Variants in TBC1D22A observed in about 807,000 individuals in gnomAD.
TBC1D22A encodes the protein TBC1 domain family member 22A, also known as putative GTPase activator.
In TBC1D22A, 38 loss-of-function variants were observed where a neutral mutation model predicts 60.2. The observed-to-expected ratio is 0.63, with a 90% CI of 0.49 to 0.83. The LOEUF (loss-of-function observed/expected upper bound fraction) is 0.83, where lower values mean the gene tolerates loss of function less well. Among genes scored for constraint, TBC1D22A ranks in the 40% least tolerant of loss-of-function variants. TBC1D22A has a pLI of 0.00. For missense variants in TBC1D22A, 628 were observed against 701.0 expected (o/e 0.90, Z 1.18); for synonymous variants, 302 against 281.7 (o/e 1.07, Z -0.72).
chr22:47,004,192 ACTC>A (rs1032600887), intron 10 of TBC1D22A, among the ~76,000 whole-genome samples: 14 of 139,584 alleles, frequency 1.0e-4, no homozygotes, highest in East Asian at 2.2e-4. Context: ...CTATATATAT[ACTC>A]CTCATACATA....
intron 11 of TBC1D22A, among the ~76,000 whole-genome samples, chr22:47,086,127 G>A (rs1392088920): frequency 2.0e-5 from 3 of 152,218 alleles, no homozygotes; most frequent in South Asian, 2.1e-4. Context: ...TTCTGGGAGC[G>A]CTGTGGCTCC....
At chr22:47,085,429 A>G (rs548519262) in intron 11 of TBC1D22A, among the ~76,000 whole-genome samples, 1 of 152,338 alleles carries the variant, frequency 6.6e-6, no homozygotes, top group African/African-American at 2.4e-5. Context: ...TAAATATTTT[A>G]TCCATGCAGT....
chr22:46,799,829 T>C (rs1156459291), intron 4 of TBC1D22A, among the ~76,000 whole-genome samples: 1 of 152,232 alleles, frequency 6.6e-6, no homozygotes, highest in African/African-American at 2.4e-5. Flanking sequence ...TCCTTGGTCA[T>C]CACAGCGGGG....
intron 12 of TBC1D22A, among the ~76,000 whole-genome samples, chr22:47,114,878 T>A (rs2065975012): frequency 6.6e-6 from 1 of 152,036 alleles, no homozygotes; most frequent in African/African-American, 2.4e-5. Context: ...GCCCCTTAAT[T>A]CCCGAAAACT....
At chr22:46,953,470 A>G (rs2073025284) in intron 8 of TBC1D22A, among the ~76,000 whole-genome samples, 1 of 139,142 alleles carries the variant, frequency 7.2e-6, no homozygotes, top group East Asian at 2.0e-4. Flanking sequence ...ATTTACCTTC[A>G]TTTTTATAAT....
At chr22:46,936,849 A>G (rs960669779) in intron 8 of TBC1D22A, among the ~76,000 whole-genome samples, 2 of 152,232 alleles carry the variant, frequency 1.3e-5, no homozygotes, top group Non-Finnish European at 2.9e-5. Context: ...CTCAAAGTAA[A>G]AACAAAACTA....
At chr22:47,076,454 C>G (rs1207864120) in intron 11 of TBC1D22A, among the ~76,000 whole-genome samples, 3 of 144,792 alleles carry the variant, frequency 2.1e-5, no homozygotes, top group Non-Finnish European at 4.5e-5. Flanking sequence ...AAAATAGAAA[C>G]CAGTAATACA....
chr22:47,133,167 G>A (rs555715081), intron 12 of TBC1D22A, among the ~76,000 whole-genome samples: 2 of 152,348 alleles, frequency 1.3e-5, no homozygotes, highest in South Asian at 4.1e-4. Context: ...ATAAATTGTG[G>A]ATTAGAATTT....
At chr22:47,073,104 T>G (rs1374637601) in intron 11 of TBC1D22A, among the ~76,000 whole-genome samples, 1 of 152,230 alleles carries the variant, frequency 6.6e-6, no homozygotes, top group African/African-American at 2.4e-5. Context: ...ATAAAAATGA[T>G]GGATAACAAA....
chr22:46,971,104 G>A (rs954544595), intron 8 of TBC1D22A, among the ~76,000 whole-genome samples: 1 of 152,206 alleles, frequency 6.6e-6, no homozygotes, highest in Non-Finnish European at 1.5e-5. Context: ...AAATCACCAC[G>A]GGGGCTCTCT....
chr22:46,894,949 A>G, intron 7 of TBC1D22A, 103 bp downstream of exon 7: 1 of 1,342,262 alleles, frequency 7.5e-7, no homozygotes, highest in Non-Finnish European at 1.1e-6. Context: ...ACCCAGAAGC[A>G]AGGTTGCTGT....
chr22:47,154,513 G>T (rs543792417), intron 12 of TBC1D22A, among the ~76,000 whole-genome samples: 1 of 152,174 alleles, frequency 6.6e-6, no homozygotes, highest in Non-Finnish European at 1.5e-5. Context: ...GGCTGGCAAT[G>T]TGCAGACACT....
rs561085166 is a variant in TBC1D22A, at chr22:47,016,975, C to T, written c.1201+19266C>T. On this transcript the variant is annotated intron_variant, in intron 10 of 12. Transcript: ENST00000337137. ...TGTCCGCTGATGGTTTTGTCTGACGCGCTCAGGCCTGCGATGGTCGCCGAT... is the reference window on the plus strand; with the variant it reads ...TGTCCGCTGATGGTTTTGTCTGACGTGCTCAGGCCTGCGATGGTCGCCGAT... Among the ~76,000 whole-genome samples, 78 of 152,352 alleles carry T rather than the reference C, an allele frequency of 5.1e-4. 1 individual carries two copies. The highest frequency in any genetic ancestry group is 1.9e-4 in the East Asian group (1 of 5,176).
At chr22:46,770,679 G>GTCCTATA (rs1459459441) in intron 1 of TBC1D22A, among the ~76,000 whole-genome samples, 1 of 152,236 alleles carries the variant, frequency 6.6e-6, no homozygotes, top group East Asian at 1.9e-4. Context: ...TATGTCCTAT[G>GTCCTATA]TCCTGCTCAG....
intron 11 of TBC1D22A, among the ~76,000 whole-genome samples, chr22:47,094,009 AAGTAAT>A (rs2065079409): frequency 6.6e-6 from 1 of 152,202 alleles, no homozygotes; most frequent in Admixed American, 6.5e-5. Flanking sequence ...CAGGGACGAA[AAGTAAT>A]GATGTATGGG....
At chr22:46,948,718 T>C (rs1387973846) in intron 8 of TBC1D22A, among the ~76,000 whole-genome samples, 1 of 152,226 alleles carries the variant, frequency 6.6e-6, no homozygotes, top group Admixed American at 6.5e-5. Context: ...AAAGAAATGA[T>C]AGTTGCTGAA....
chr22:47,088,083 T>A (rs370086110), intron 11 of TBC1D22A, among the ~76,000 whole-genome samples: 20 of 115,506 alleles, frequency 1.7e-4, no homozygotes, highest in South Asian at 9.8e-4. Context: ...AAATAAAAAA[T>A]AATAATAATA....
At chr22:46,947,331 G>T (rs775310895) in intron 8 of TBC1D22A, among the ~76,000 whole-genome samples, 1 of 152,058 alleles carries the variant, frequency 6.6e-6, no homozygotes, top group Non-Finnish European at 1.5e-5. Flanking sequence ...GTTGAAGTCA[G>T]GGTCATCCGA....
intron 8 of TBC1D22A, among the ~76,000 whole-genome samples, chr22:46,922,854 A>T (rs2070835037): frequency 6.6e-6 from 1 of 152,210 alleles, no homozygotes; most frequent in Admixed American, 6.5e-5. Context: ...TTTTCTAGGT[A>T]TAGAATCGTA....
Sources: gnomAD v4.1 joint callset for allele counts (sites outside exome capture counted in the v4.1 genomes callset) on GRCh38, gnomAD v4.1.1 for gene constraint, MANE v1.5 for transcripts, NCBI Gene and HGNC (gene_info 2026-07-23, HGNC 2026-07-21) for gene names.